Variants in MICAL2 observed in about 807,000 individuals in gnomAD.
MICAL2 encodes microtubule associated monooxygenase, calponin and LIM domain containing 2.
A neutral mutation model predicts 127.3 loss-of-function variants in MICAL2; 77 were observed. The observed-to-expected ratio is 0.60, with a 90% confidence interval of 0.50 to 0.73. The LOEUF is 0.73. MICAL2 is among the 30% of genes least tolerant of loss of function. The pLI is 0.00. For missense variants in MICAL2, 1,351 were observed against 1,434.4 expected (o/e 0.94, Z 0.94); for synonymous variants, 570 against 551.1 (o/e 1.03, Z -0.48).
At chr11:12,160,216 T>C (rs546097356) in intron 2 of MICAL2, among the ~76,000 whole-genome samples, 2 of 152,268 alleles carry the variant, frequency 1.3e-5, no homozygotes, top group East Asian at 3.9e-4. Context: ...CCCAGCAGGC[T>C]CCTCCTGGCA....
At chr11:12,129,598 G>A (rs921318492) in intron 1 of MICAL2, among the ~76,000 whole-genome samples, 7 of 145,286 alleles carry the variant, frequency 4.8e-5, no homozygotes, top group African/African-American at 7.8e-5. Context: ...GTGACCAGCC[G>A]ACCTTTATAC....
chr11:12,130,421 T>C (rs1461003763), intron 1 of MICAL2, among the ~76,000 whole-genome samples: 1 of 152,144 alleles, frequency 6.6e-6, no homozygotes, highest in East Asian at 1.9e-4. Context: ...TGGGGAGTAC[T>C]TACTCCCTGG....
chr11:12,305,411 G>C (rs893851396), intron 29 of MICAL2, among the ~76,000 whole-genome samples: 24 of 152,132 alleles, frequency 1.6e-4, no homozygotes, highest in Non-Finnish European at 4.4e-5. Flanking sequence ...TGGGATTACA[G>C]GTCCTTCCTC....
At chr11:12,111,979 G>A (rs763991970) in intron 1 of MICAL2, among the ~76,000 whole-genome samples, 4 of 152,194 alleles carry the variant, frequency 2.6e-5, no homozygotes, top group African/African-American at 4.8e-5. Flanking sequence ...CTTATTAAGT[G>A]CCTACTGGGC....
At position 12,255,711 on chromosome 11, in the gene MICAL2, T is replaced by C; in HGVS notation, c.2916T>C (p.Asn972=). ...AAEVLVNLYM[N]DHRPKAQATS... ...AAGTCCTGGTCAATCTGTACATGAA[T>C]GATCACAGACCTAAGGCCCAGGCCA... The change falls in exon 23 of 28, where the codon AAT becomes AAC. Residue 972 remains asparagine, a synonymous_variant. Transcript: ENST00000683283. 1.9e-6 allele frequency: 3 copies of C among 1,614,118 alleles called. No individual in the cohort carries two copies. The highest frequency in any genetic ancestry group is 2.5e-6 in the Non-Finnish European group (3 of 1,179,982).
At chr11:12,181,088 C>T (rs1038889420) in intron 3 of MICAL2, among the ~76,000 whole-genome samples, 26 of 152,026 alleles carry the variant, frequency 1.7e-4, no homozygotes, top group Middle Eastern at 3.4e-3. Context: ...GGATTATAGG[C>T]ACCTGCCACC....
At chr11:12,293,692 G>C (rs1863933807), downstream of MICAL2, 1 of 1,613,968 alleles carries the variant, frequency 6.2e-7, no homozygotes, top group African/African-American at 1.3e-5. Context: ...ATCACCCAAA[G>C]CCAGAGTGGG....
rs184654963 is a variant in MICAL2 at position 12,168,421 on chromosome 11, C to T, written c.264+6002C>T. Among the ~76,000 whole-genome samples the T allele has an allele frequency of 4.3e-3, 652 of 150,494 alleles. 3 individuals are homozygous for T. Among genetic ancestry groups the T allele is most frequent in the African/African-American group, 0.015 (597 of 40,972 alleles). ...CATACACACATTCATACATACCCCCCACACACCATATACACACATACACAC... is the reference window on the plus strand; with the variant it reads ...CATACACACATTCATACATACCCCCTACACACCATATACACACATACACAC... On this transcript the variant is annotated intron_variant, in intron 3 of 27. Transcript: ENST00000683283.
intron 2 of MICAL2, among the ~76,000 whole-genome samples, chr11:12,149,027 A>C (rs376790828): frequency 6.6e-6 from 1 of 152,196 alleles, no homozygotes; most frequent in Admixed American, 6.5e-5. Context: ...TTTGGTGACC[A>C]GTCTGCCTGA....
At chr11:12,319,925 T>G in intron 30 of MICAL2, 1 of 731,698 alleles carries the variant, frequency 1.4e-6, no homozygotes, top group East Asian at 2.5e-5. Context: ...AGGATCATGT[T>G]TCATTGCATC....
At chr11:12,142,368 A>G (rs1030240293) in intron 2 of MICAL2, among the ~76,000 whole-genome samples, 5 of 152,238 alleles carry the variant, frequency 3.3e-5, no homozygotes, top group African/African-American at 4.8e-5. Flanking sequence ...GATTAATTCA[A>G]GACAGGAAAT....
At chr11:12,185,182 T>TGGGG (rs1858056053) in intron 3 of MICAL2, among the ~76,000 whole-genome samples, 2 of 7,442 alleles carry the variant, frequency 2.7e-4, no homozygotes, top group Admixed American at 1.9e-3. Context: ...GGTGGCTGGA[T>TGGGG]GGATGGATGG....
chr11:12,325,589 T>C (rs574303301), intron 31 of MICAL2, among the ~76,000 whole-genome samples: 1 of 152,354 alleles, frequency 6.6e-6, no homozygotes, highest in East Asian at 1.9e-4. Context: ...TCCGGGCTTA[T>C]AGACAGCTGC....
chr11:12,199,654 T>C (rs1036258270), intron 3 of MICAL2, among the ~76,000 whole-genome samples: 2 of 152,132 alleles, frequency 1.3e-5, no homozygotes, highest in Non-Finnish European at 2.9e-5. Context: ...TGTTTGCAGG[T>C]TCCCCTGGGG....
downstream of MICAL2, chr11:12,293,963 C>T (rs183174306): frequency 2.4e-4 from 382 of 1,613,978 alleles, 1 homozygote; most frequent in African/African-American, 4.6e-3. Context: ...GAAGTTGGGC[C>T]TGAAGAAGTT....
At chr11:12,262,925 G>T (rs1453859559) in intron 27 of MICAL2, 3 of 180,062 alleles carry the variant, frequency 1.7e-5, no homozygotes, top group Non-Finnish European at 3.5e-5. Flanking sequence ...TTTTTGAGCA[G>T]CCTCAAAAAG....
At chr11:12,290,433 G>C (rs938954803), downstream of MICAL2, among the ~76,000 whole-genome samples, 4 of 152,138 alleles carry the variant, frequency 2.6e-5, no homozygotes, top group African/African-American at 9.7e-5. Flanking sequence ...CTGTTGAGCT[G>C]AGGGGACTTG....
chr11:12,319,951 T>C, intron 30 of MICAL2: 1 of 611,006 alleles, frequency 1.6e-6, no homozygotes, highest in South Asian at 2.2e-5. Flanking sequence ...GAGTGCTCTC[T>C]TTACCTTGAA....
At chr11:12,179,703 G>A (rs1176373705) in intron 3 of MICAL2, among the ~76,000 whole-genome samples, 1 of 152,194 alleles carries the variant, frequency 6.6e-6, no homozygotes, top group East Asian at 1.9e-4. Context: ...AGACTCTAGT[G>A]TCTCTAATTC....
Sources: allele counts gnomAD v4.1 joint callset (sites outside exome capture counted in the v4.1 genomes callset), GRCh38; gene constraint gnomAD v4.1.1; transcripts MANE v1.5; gene names NCBI Gene and HGNC (gene_info 2026-07-23, HGNC 2026-07-21).